The following RNF26 variants were observed in gnomAD, a reference collection of about 807,000 sequenced individuals.
RNF26 encodes E3 ubiquitin-protein ligase RNF26.
A neutral mutation model predicts 25.4 loss-of-function variants in RNF26; 8 were observed. The ratio of observed to expected loss-of-function variants is 0.31; its 90% CI spans 0.18 to 0.57. The LOEUF (loss-of-function observed/expected upper bound fraction) is 0.57, where lower values mean the gene tolerates loss of function less well. Among genes scored for constraint, RNF26 ranks in the 20% least tolerant of loss-of-function variants. The pLI, the probability that RNF26 is intolerant of heterozygous loss-of-function variation, is 0.90. For missense variants in RNF26, 470 were observed against 552.0 expected (o/e 0.85, Z 1.49); for synonymous variants, 262 against 246.7 (o/e 1.06, Z -0.58).
At position 119,335,282 on chromosome 11, in the gene RNF26, C is replaced by A. The variant is rs759052313; in HGVS notation, c.160C>A (p.Leu54Ile). Residue 54 changes from leucine (L) to isoleucine (I), a missense_variant, in exon 1 of 1, where the codon CTT (leucine) becomes ATT (isoleucine). Physicochemically the swap from Leu to Ile is conservative, Grantham distance 5. Coordinates refer to ENST00000311413, the MANE Select transcript of RNF26 (RefSeq NM_032015.5). ...CCTGCCGCACACGGTACTGACTAGTCTTCTGCACTTGGGCCGCGGAGTCTT... is the reference window on the plus strand; with the variant it reads ...CCTGCCGCACACGGTACTGACTAGTATTCTGCACTTGGGCCGCGGAGTCTT... ...YNLPHTVLTSLLHLGRGVLLS... is the reference protein window; with the variant it reads ...YNLPHTVLTSILHLGRGVLLS... 3.7e-6 allele frequency: 6 copies of A among 1,614,238 alleles called. No homozygotes were observed. In the South Asian group the frequency reaches 6.6e-5, roughly 18 times the overall value.
In RNF26 at chr11:119,335,439, A is replaced by G; in HGVS notation, c.317A>G (p.His106Arg). 1.2e-6 allele frequency: 2 copies of G among 1,613,780 alleles called. No homozygotes were observed. The highest frequency in any genetic ancestry group is 1.7e-6 in the Non-Finnish European group (2 of 1,179,824). ...SLKLLGHLASHGALRSREILH... is the reference protein window; with the variant it reads ...SLKLLGHLASRGALRSREILH... ...AAGCTCCTGGGGCACCTGGCCTCTC[A>G]TGGGGCACTGCGGAGCAGGGAGATA... Residue 106 changes from histidine to arginine, a missense_variant, in exon 1 of 1, where the codon CAT becomes CGT. By Grantham distance (29) the His-to-Arg change is conservative (BLOSUM62 0). Coordinates refer to ENST00000311413, the MANE Select transcript of RNF26 (RefSeq NM_032015.5).
Position 119,336,752 on chromosome 11 carries a change from T to C in RNF26, c.*328T>C, listed in dbSNP as rs1040389116. The C allele has an allele frequency of 5.6e-6, 2 of 354,894 alleles. No homozygotes were observed. The highest frequency in any genetic ancestry group is 1.1e-5 in the Non-Finnish European group (2 of 185,008). 22.0% of individuals were successfully genotyped at this position (354,894 alleles called of 1,614,324 possible). ...TGGGGTTACCCCTGTCTGCTTCTGG[T>C]TTTTCTGTTGGAGATCTATAGGTCC... On this transcript the variant is annotated 3_prime_UTR_variant, in exon 1 of 1. Transcript: ENST00000311413.
chr11:119,334,608 G>A lies in RNF26; in HGVS notation c.-515G>A, dbSNP rs1455565086. 2 of 165,670 alleles carry A rather than the reference G, an allele frequency of 1.2e-5. No homozygotes were observed. Among genetic ancestry groups the A allele is most frequent in the Middle Eastern group, 3.2e-3 (1 of 312 alleles). 10.3% of individuals were successfully genotyped at this position (165,670 alleles called of 1,614,324 possible). A position where few individuals can be genotyped will look rare whatever the true frequency, so the allele number is the denominator to read the frequency against. On this transcript the variant is annotated 5_prime_UTR_variant, in exon 1 of 1. Transcript: ENST00000311413. ...GGCTGCCTCTCCCACTCCCCTTTTG[G>A]GTGCAAAGCGCCGCTAGCGGGAAGA...
Position 119,334,761 on chromosome 11 carries a change from T to G in RNF26, c.-362T>G. Reference sequence around the variant, plus strand: ...ATCCGATCCGATCCCATTCCATCCGTTCCTCGTCTCCTCCCGGTCTGACCC... The same window carrying G: ...ATCCGATCCGATCCCATTCCATCCGGTCCTCGTCTCCTCCCGGTCTGACCC... On this transcript the variant is annotated 5_prime_UTR_variant, in exon 1 of 1. Transcript: ENST00000311413. 6.6e-6 allele frequency: 2 copies of G among 304,736 alleles called. No individual in the cohort carries two copies. Among genetic ancestry groups the G allele is most frequent in the African/African-American group, 2.3e-5 (1 of 43,496 alleles). 18.9% of individuals were successfully genotyped at this position (304,736 alleles called of 1,614,324 possible).
In RNF26 at chr11:119,335,065, G is replaced by T; in HGVS notation, c.-58G>T. ...GACCCCCTAAAATATTGACAACCTTGACAACCCCCCAACCGAGGAGCCAGA... is the reference window on the plus strand; with the variant it reads ...GACCCCCTAAAATATTGACAACCTTTACAACCCCCCAACCGAGGAGCCAGA... On this transcript the variant is annotated 5_prime_UTR_variant, in exon 1 of 1. Transcript: ENST00000311413. The T allele has an allele frequency of 7.1e-7, 1 of 1,411,394 alleles. No individual in the cohort carries two copies. The highest frequency in any genetic ancestry group is 1.3e-5 in the South Asian group (1 of 78,976). 87.4% of individuals were successfully genotyped at this position (1,411,394 alleles called of 1,614,324 possible).
Position 119,335,896 on chromosome 11 carries a change from C to T in RNF26, c.774C>T (p.Leu258=). The T allele has an allele frequency of 6.2e-7, 1 of 1,609,828 alleles. No homozygotes were observed. Among genetic ancestry groups the T allele is most frequent in the African/African-American group, 1.3e-5 (1 of 75,076 alleles). The change falls in exon 1 of 1, where the codon CTC becomes CTT. Residue 258 remains leucine (L), a synonymous_variant. Transcript: ENST00000311413. ...DFTLRLATQA[L]SQLHARPSYH... is the part of the protein sequence containing the mutation. ...CCCTGAGGCTGGCTACCCAGGCACT[C>T]AGCCAGCTCCATGCCCGGCCATCCT...
In RNF26 at chr11:119,334,858, G is replaced by C. The variant is rs77960844; in HGVS notation, c.-265G>C. The C allele has an allele frequency of 2.0e-3, 1,068 of 526,952 alleles. 5 individuals carry two copies. The highest frequency in any genetic ancestry group is 0.019 in the African/African-American group (996 of 52,692). The allele number at this position is 526,952 out of a possible 1,614,324, so 32.6% of individuals were successfully genotyped here. On this transcript the variant is annotated 5_prime_UTR_variant, in exon 1 of 1. Coordinates refer to ENST00000311413, the MANE Select transcript of RNF26 (RefSeq NM_032015.5). ...GCTCCTACGGCCTGGGCTCGCCTTC[G>C]CTTTAGAGATGTTTGGCCTCTTCCC...
rs201402096 is a variant in RNF26, at chr11:119,335,143, A to G, written c.21A>G (p.Val7=). The part of the protein sequence containing the change: MEAVYL[V]VNGLGLVLDV... ...CTATCATGGAGGCAGTGTACCTGGT[A>G]GTGAATGGGTTGGGCCTGGTGCTGG... Residue 7 remains valine (V), a synonymous_variant, in exon 1 of 1, where the codon GTA becomes GTG. Coordinates refer to ENST00000311413, the MANE Select transcript of RNF26 (RefSeq NM_032015.5). The G allele has an allele frequency of 2.3e-5, 37 of 1,613,864 alleles. No homozygotes were observed. The East Asian group carries it at 7.8e-4, about 34-fold the overall frequency.
At position 119,336,731 on chromosome 11, in the gene RNF26, G is replaced by T. The variant is rs912759691; in HGVS notation, c.*307G>T. On this transcript the variant is annotated 3_prime_UTR_variant, in exon 1 of 1. Transcript: ENST00000311413. ...CAGGGCCCACCCAGATGCCTCTGGG[G>T]TTACCCCTGTCTGCTTCTGGTTTTT... is the stretch of plus-strand genomic sequence containing the variant. The T allele has an allele frequency of 1.2e-5, 5 of 421,028 alleles. No individual in the cohort carries two copies. The highest frequency in any genetic ancestry group is 4.0e-5 in the African/African-American group (2 of 50,410). 26.1% of individuals were successfully genotyped at this position (421,028 alleles called of 1,614,324 possible). A position where few individuals can be genotyped will look rare whatever the true frequency, so the allele number is the denominator to read the frequency against.
chr11:119,335,496 G>A lies in RNF26; in HGVS notation c.374G>A (p.Ser125Asn), dbSNP rs1333512820. 6.2e-7 allele frequency: 1 copy of A among 1,613,678 alleles called. No homozygotes were observed. The highest frequency in any genetic ancestry group is 8.5e-7 in the Non-Finnish European group (1 of 1,179,804). ...LHRGVLNVVSSGHALLRQACD... is the reference protein window; with the variant it reads ...LHRGVLNVVSNGHALLRQACD... Reference sequence around the variant, plus strand: ...CGGGGCGTCCTCAATGTGGTCTCCAGTGGCCATGCTTTGCTGCGCCAGGCC... The same window carrying A: ...CGGGGCGTCCTCAATGTGGTCTCCAATGGCCATGCTTTGCTGCGCCAGGCC... Residue 125 changes from serine to asparagine, a missense_variant, in exon 1 of 1, where the codon AGT (serine) becomes AAT (asparagine). Ser to Asn is a conservative substitution (Grantham distance 46). Coordinates refer to ENST00000311413, the MANE Select transcript of RNF26 (RefSeq NM_032015.5).
In RNF26 at chr11:119,335,737, C is replaced by G. The variant is rs780992212; in HGVS notation, c.615C>G (p.Pro205=). 6 of 1,614,124 alleles carry G rather than the reference C, an allele frequency of 3.7e-6. No individual in the cohort carries two copies. The highest frequency in any genetic ancestry group is 1.6e-4 in the Middle Eastern group (1 of 6,084). Residue 205 remains proline (P), a synonymous_variant, in exon 1 of 1, where the codon CCC becomes CCG. Coordinates refer to ENST00000311413, the MANE Select transcript of RNF26 (RefSeq NM_032015.5). ...CCATGGCCATCCTCCTTTGGACACC[C>G]TGCCAACTAGCCCTGGAGCTGCTGG... The part of the protein sequence containing the change: ...AVAMAILLWT[P]CQLALELLAS...
Sources: gnomAD v4.1 joint callset for allele counts on GRCh38, gnomAD v4.1.1 for gene constraint, MANE v1.5 for transcripts, NCBI Gene and HGNC (gene_info 2026-07-23, HGNC 2026-07-21) for gene names.